COL4A6: variants seen among roughly 807,000 people sequenced by gnomAD.
COL4A6 encodes collagen type IV alpha 6 chain, also known as collagen alpha-6(IV) chain.
Under a neutral mutation model 126.7 loss-of-function variants are expected in COL4A6, and 59 were observed. That is an observed-to-expected ratio of 0.47 (90% CI 0.38 to 0.58). The LOEUF (loss-of-function observed/expected upper bound fraction) is 0.58, where lower values mean the gene tolerates loss of function less well. Among genes scored for constraint, COL4A6 ranks in the 20% least tolerant of loss-of-function variants. The pLI, the probability that COL4A6 is intolerant of heterozygous loss-of-function variation, is 0.00. For missense variants in COL4A6, 1,285 were observed against 1,337.3 expected, an observed-to-expected ratio of 0.96 and a Z score of 0.61; for synonymous variants, 547 against 496.6, an observed-to-expected ratio of 1.10 and a Z score of -1.35.
At chrX:108,361,685 G>C (rs924236810) in intron 2 of COL4A6, among the ~76,000 whole-genome samples, 16 of 111,668 alleles carry the variant, frequency 1.4e-4, no homozygotes, top group African/African-American at 5.2e-4. Flanking sequence ...TCACAAGAGA[G>C]AGCCTGGGAG....
intron 3 of COL4A6, among the ~76,000 whole-genome samples, chrX:108,293,947 C>T (rs921173839): frequency 1.2e-4 from 14 of 112,341 alleles, no homozygotes; most frequent in African/African-American, 4.5e-4. Context: ...GGCAGGCTGC[C>T]TAGGTTGATT....
chrX:108,386,899 G>A (rs764998191), intron 2 of COL4A6, among the ~76,000 whole-genome samples: 1 of 111,841 alleles, frequency 8.9e-6, no homozygotes, highest in South Asian at 3.8e-4. Context: ...TGTATAAGGT[G>A]TAAGGAAGGG....
At chrX:108,386,902 A>C (rs1411360577) in intron 2 of COL4A6, among the ~76,000 whole-genome samples, 2 of 111,863 alleles carry the variant, frequency 1.8e-5, no homozygotes, top group Admixed American at 1.9e-4. Context: ...ATAAGGTGTA[A>C]GGAAGGGATC....
At chrX:108,165,127 C>T (rs1277352047) in intron 38 of COL4A6, 89 bp from the exon 39 acceptor site, 6 of 952,428 alleles carry the variant, frequency 6.3e-6, no homozygotes, top group Non-Finnish European at 8.7e-6. Context: ...ACTCCAAAGC[C>T]CATTCCCAGG....
intron 23 of COL4A6, among the ~76,000 whole-genome samples, chrX:108,185,602 A>G (rs919190719): frequency 9.0e-6 from 1 of 111,631 alleles, no homozygotes; most frequent in African/African-American, 3.3e-5. Flanking sequence ...ATTCTTCAAG[A>G]TGATAAGGTG....
chrX:108,382,386 A>G (rs922027489), intron 2 of COL4A6, among the ~76,000 whole-genome samples: 1 of 111,748 alleles, frequency 8.9e-6, no homozygotes, highest in African/African-American at 3.3e-5. Context: ...CCTGGCACAT[A>G]ATAAGTACTT....
At chrX:108,205,326 C>T (rs1418593128) in intron 11 of COL4A6, 113 bp downstream of exon 11, 3 of 625,773 alleles carry the variant, frequency 4.8e-6, no homozygotes, top group South Asian at 5.1e-5. Flanking sequence ...GGGAAATATT[C>T]ATTTCCCAAG....
At chrX:108,289,562 TA>T (rs1045794745) in intron 3 of COL4A6, among the ~76,000 whole-genome samples, 7 of 109,952 alleles carry the variant, frequency 6.4e-5, no homozygotes, top group South Asian at 7.8e-4. Flanking sequence ...GTTTTCGTTT[TA>T]AAAAAAAACT....
chrX:108,186,092 A>G (rs900815562), intron 23 of COL4A6, among the ~76,000 whole-genome samples: 2 of 112,286 alleles, frequency 1.8e-5, no homozygotes, highest in Non-Finnish European at 3.8e-5. Context: ...TTGAATTCCA[A>G]GTTGAGGAGT....
intron 3 of COL4A6, among the ~76,000 whole-genome samples, chrX:108,241,265 T>C (rs909952662): frequency 1.8e-5 from 2 of 110,241 alleles, no homozygotes; most frequent in Non-Finnish European, 3.8e-5. Flanking sequence ...GATGGTACCA[T>C]AGAATGCTCA....
At chrX:108,234,956 A>G (rs1322525460) in intron 3 of COL4A6, among the ~76,000 whole-genome samples, 2 of 111,484 alleles carry the variant, frequency 1.8e-5, no homozygotes, top group African/African-American at 6.5e-5. Flanking sequence ...AGGAGATGCT[A>G]TGGAGGATGT....
rs148593604 is a variant in COL4A6 at position 108,234,801 on chromosome X, G to T, written c.145-13427C>A. Among the ~76,000 whole-genome samples, 864 of 111,865 alleles carry T rather than the reference G, an allele frequency of 7.7e-3. 24 individuals are homozygous for T. Among genetic ancestry groups the T allele is most frequent in the Admixed American group, 0.073 (774 of 10,538 alleles). Reference sequence around the variant, plus strand: ...AGAGTAGAAGATGTATAAAGAAAAAGACCCAGGACACATTTTGGTAAGTAA... The same window carrying T: ...AGAGTAGAAGATGTATAAAGAAAAATACCCAGGACACATTTTGGTAAGTAA... On this transcript the variant is annotated intron_variant, in intron 3 of 44. Transcript: ENST00000334504.
intron 3 of COL4A6, among the ~76,000 whole-genome samples, chrX:108,245,644 A>G (rs2036700343): frequency 9.0e-6 from 1 of 111,437 alleles, no homozygotes; most frequent in African/African-American, 3.3e-5. Flanking sequence ...CCATATTTCG[A>G]TATGCAGGTG....
At chrX:108,171,545 T>G in intron 32 of COL4A6, 84 bp from the exon 33 acceptor site, 2 of 843,810 alleles carry the variant, frequency 2.4e-6, no homozygotes, top group Non-Finnish European at 3.4e-6. Flanking sequence ...ACACATTTTT[T>G]TTTTCAGATT....
rs772649496 is a variant in COL4A6 at position 108,183,246 on chromosome X, T to G, written c.1952-2278A>C. Among the ~76,000 whole-genome samples the G allele has an allele frequency of 9.3e-4, 105 of 112,333 alleles. 1 individual carries two copies. Among genetic ancestry groups the G allele is most frequent in the African/African-American group, 3.2e-3 (100 of 30,941 alleles). On this transcript the variant is annotated intron_variant, in intron 23 of 44. Transcript: ENST00000334504. The stretch of plus-strand genomic sequence containing the variant: ...GTAATTGCAACAAATGACCTAATTA[T>G]TCAGAATTTTTCCCATTAATGCCCA...
At position 108,156,082 on chromosome X, in the gene COL4A6, G is replaced by A. The variant is rs2033729149; in HGVS notation, c.*918C>T. The A allele has an allele frequency of 8.9e-6, 1 of 112,262 alleles. No individual in the cohort carries two copies. The highest frequency in any genetic ancestry group is 1.9e-5 in the Non-Finnish European group (1 of 53,300). The allele number at this position is 112,262 out of a possible 1,213,427, so 9.3% of individuals were successfully genotyped here. On this transcript the variant is annotated 3_prime_UTR_variant, in exon 45 of 45. Coordinates refer to ENST00000334504, the MANE Select transcript of COL4A6 (RefSeq NM_033641.4). ...TTGCCACATTGCACACATCTGGATGGCATTTGGAATAAACAGGGACTTCTG... is the reference window on the plus strand; with the variant it reads ...TTGCCACATTGCACACATCTGGATGACATTTGGAATAAACAGGGACTTCTG...
intron 2 of COL4A6, among the ~76,000 whole-genome samples, chrX:108,406,357 G>C (rs184938475): frequency 8.9e-6 from 1 of 111,913 alleles, no homozygotes; most frequent in African/African-American, 3.2e-5. Context: ...AGACTTCTTA[G>C]GAAAATTGTC....
chrX:108,337,329 A>T lies in COL4A6; in HGVS notation c.64-26501T>A, dbSNP rs988039450. Among the ~76,000 whole-genome samples the T allele has an allele frequency of 2.7e-5, 3 of 112,078 alleles. No individual in the cohort carries two copies. In the Admixed American group the frequency reaches 2.8e-4, roughly 11 times the overall value. On this transcript the variant is annotated intron_variant, in intron 2 of 44. Transcript: ENST00000334504. ...TTTGAATCACCCACCATGTGTTGGT[A>T]CATAATAGATGCCCAATAAATACTT...
At chrX:108,279,319 C>A (rs1274697891) in intron 3 of COL4A6, among the ~76,000 whole-genome samples, 6 of 110,054 alleles carry the variant, frequency 5.5e-5, no homozygotes, top group Non-Finnish European at 1.1e-4. Flanking sequence ...CAATGGAAAA[C>A]AAAAAAAGGC....
Sources: gnomAD v4.1 joint callset for allele counts (sites outside exome capture counted in the v4.1 genomes callset) on GRCh38, gnomAD v4.1.1 for gene constraint, MANE v1.5 for transcripts, NCBI Gene and HGNC (gene_info 2026-07-23, HGNC 2026-07-21) for gene names.